Variants in EEFSEC observed in about 807,000 individuals in gnomAD.
The protein encoded by EEFSEC is selenocysteine-specific elongation factor.
EEFSEC carries 43 observed loss-of-function variants against 42.1 expected under a neutral mutation model. That is an observed-to-expected ratio of 1.02 (90% CI 0.80 to 1.32). The LOEUF is 1.32. Among genes scored for constraint, EEFSEC ranks in the 40% most tolerant of loss-of-function variants. EEFSEC has a pLI of 0.00. For synonymous variants in EEFSEC, 354 were observed against 339.1 expected, an observed-to-expected ratio of 1.04 and a Z score of -0.48; for missense variants, 745 against 803.6, an observed-to-expected ratio of 0.93 and a Z score of 0.88.
intron 1 of EEFSEC, among the ~76,000 whole-genome samples, chr3:128,229,219 G>C (rs1015030051): frequency 6.6e-6 from 1 of 152,152 alleles, no homozygotes; most frequent in African/African-American, 2.4e-5. Context: ...ATGATACTAG[G>C]TGTGGGGCCT....
intron 2 of EEFSEC, among the ~76,000 whole-genome samples, chr3:128,248,298 T>C (rs1224418655): frequency 6.6e-6 from 1 of 152,092 alleles, no homozygotes; most frequent in African/African-American, 2.4e-5. Flanking sequence ...GGCAAGCAAG[T>C]AGAGAGCGTT....
chr3:128,230,521 A>G (rs530279012), intron 1 of EEFSEC, among the ~76,000 whole-genome samples: 1 of 152,228 alleles, frequency 6.6e-6, no homozygotes, highest in East Asian at 1.9e-4. Flanking sequence ...GCCTTTGTGA[A>G]TGATAGCATT....
intron 6 of EEFSEC, among the ~76,000 whole-genome samples, chr3:128,369,873 G>A (rs1177932280): frequency 1.3e-5 from 2 of 152,204 alleles, no homozygotes; most frequent in Non-Finnish European, 2.9e-5. Context: ...TGCTGCTGCT[G>A]TGCCTGCACC....
the EEFSEC span, among the ~76,000 whole-genome samples, chr3:128,413,658 C>T: frequency 1.3e-5 from 2 of 152,196 alleles, no homozygotes; most frequent in African/African-American, 2.4e-5. Context: ...CAGAGAGAAA[C>T]GGCCACATCC....
chr3:128,344,959 C>T (rs897134508), intron 5 of EEFSEC, among the ~76,000 whole-genome samples: 2 of 152,206 alleles, frequency 1.3e-5, no homozygotes, highest in Non-Finnish European at 2.9e-5. Context: ...AGGGGCAGCC[C>T]TGTTTGCTTT....
intron 4 of EEFSEC, among the ~76,000 whole-genome samples, chr3:128,321,621 G>A (rs1024000384): frequency 3.3e-5 from 5 of 152,108 alleles, no homozygotes; most frequent in Admixed American, 1.3e-4. Flanking sequence ...ATGGGCGCCC[G>A]CCTGTCCCTG....
intron 6 of EEFSEC, among the ~76,000 whole-genome samples, chr3:128,388,699 G>A (rs1042941475): frequency 2.0e-5 from 3 of 152,262 alleles, no homozygotes; most frequent in African/African-American, 4.8e-5. Context: ...TCTCCTGGTC[G>A]ACTGTGTGCT....
At chr3:128,281,571 A>C (rs1000312611) in intron 4 of EEFSEC, among the ~76,000 whole-genome samples, 1 of 152,126 alleles carries the variant, frequency 6.6e-6, no homozygotes, top group African/African-American at 2.4e-5. Flanking sequence ...CCAGGCAGTA[A>C]GGGGTTTGGG....
intron 4 of EEFSEC, among the ~76,000 whole-genome samples, chr3:128,281,754 G>T (rs368074495): frequency 6.6e-6 from 1 of 152,184 alleles, no homozygotes; most frequent in African/African-American, 2.4e-5. Context: ...AACCTCTGAG[G>T]CAGGCACTCA....
At chr3:128,339,859 A>G (rs2067231333) in intron 4 of EEFSEC, among the ~76,000 whole-genome samples, 1 of 152,328 alleles carries the variant, frequency 6.6e-6, no homozygotes, top group Admixed American at 6.5e-5. Context: ...CACGTCTTAC[A>G]TGGCACCAGG....
At chr3:128,322,138 G>A (rs1418075235) in intron 4 of EEFSEC, among the ~76,000 whole-genome samples, 1 of 152,224 alleles carries the variant, frequency 6.6e-6, no homozygotes, top group African/African-American at 2.4e-5. Flanking sequence ...AATCCCCAGT[G>A]CCCAGCTTGG....
chr3:128,380,292 A>C (rs1468699684), intron 6 of EEFSEC, among the ~76,000 whole-genome samples: 2 of 152,190 alleles, frequency 1.3e-5, no homozygotes, highest in African/African-American at 2.4e-5. Flanking sequence ...CCTTTTCATC[A>C]CTATTTGATT....
At chr3:128,252,918 T>A (rs73197356) in intron 2 of EEFSEC, among the ~76,000 whole-genome samples, 2,068 of 152,180 alleles carry the variant, frequency 0.014, 27 homozygotes, top group Middle Eastern at 0.048. Flanking sequence ...TACAGAGCTG[T>A]GCAGCTGCCG....
At chr3:128,420,068 A>C in the EEFSEC span, among the ~76,000 whole-genome samples, 1 of 152,202 alleles carries the variant, frequency 6.6e-6, no homozygotes, top group Non-Finnish European at 1.5e-5. Context: ...GGAGACGGGA[A>C]GAAAGAGTGA....
At chr3:128,207,964 G>A (rs370484174) in intron 1 of EEFSEC, among the ~76,000 whole-genome samples, 1 of 152,188 alleles carries the variant, frequency 6.6e-6, no homozygotes. Flanking sequence ...GCTGTTGGTA[G>A]CATCAGAATT....
intron 1 of EEFSEC, among the ~76,000 whole-genome samples, chr3:128,170,786 T>G (rs2065288437): frequency 6.6e-6 from 1 of 152,248 alleles, no homozygotes; most frequent in African/African-American, 2.4e-5. Flanking sequence ...TCGTTAATAG[T>G]TTCTAAAAGT....
intron 2 of EEFSEC, among the ~76,000 whole-genome samples, chr3:128,253,061 A>G (rs1559887590): frequency 6.6e-6 from 1 of 152,196 alleles, no homozygotes; most frequent in South Asian, 2.1e-4. Flanking sequence ...AATGTGTAGC[A>G]TGTTCAGCGT....
chr3:128,206,610 C>T (rs994033593), intron 1 of EEFSEC, among the ~76,000 whole-genome samples: 3 of 152,092 alleles, frequency 2.0e-5, no homozygotes, highest in African/African-American at 7.3e-5. Context: ...CTCTTAGTGG[C>T]CATGGATCTG....
intron 6 of EEFSEC, among the ~76,000 whole-genome samples, chr3:128,380,851 C>T (rs1330265528): frequency 6.6e-6 from 1 of 152,228 alleles, no homozygotes; most frequent in Non-Finnish European, 1.5e-5. Flanking sequence ...GGGACATGTG[C>T]ACCTGTGGGT....
Sources: allele counts gnomAD v4.1 joint callset (sites outside exome capture counted in the v4.1 genomes callset), GRCh38; gene constraint gnomAD v4.1.1; transcripts MANE v1.5; gene names NCBI Gene and HGNC (gene_info 2026-07-23, HGNC 2026-07-21).